Variants in TOX2 observed in about 807,000 individuals in gnomAD.
The protein encoded by TOX2 is TOX high mobility group box family member 2, also known as granulosa cell HMG box 1.
Under a neutral mutation model 47.4 loss-of-function variants are expected in TOX2, and 15 were observed. That is an observed-to-expected ratio of 0.32 (90% CI 0.21 to 0.49). The LOEUF (loss-of-function observed/expected upper bound fraction) is 0.49, where lower values mean the gene tolerates loss of function less well. TOX2 is among the 20% of genes least tolerant of loss of function. The pLI, the probability that TOX2 is intolerant of heterozygous loss-of-function variation, is 0.99. For synonymous variants in TOX2, 290 were observed against 296.6 expected, an observed-to-expected ratio of 0.98 and a Z score of 0.23; for missense variants, 622 against 673.1, an observed-to-expected ratio of 0.92 and a Z score of 0.84.
chr20:43,973,370 G>C lies in TOX2; in HGVS notation c.103G>C (p.Asp35His), dbSNP rs146508267. 3 of 1,614,140 alleles carry C rather than the reference G, an allele frequency of 1.9e-6. No homozygotes were observed. The Admixed American group carries it at 5.0e-5, about 27-fold the overall frequency. The change falls in exon 2 of 9, where the codon GAT becomes CAT. Residue 35 changes from aspartate (D) to histidine (H), a missense_variant. By Grantham distance (81) the Asp-to-His change is moderately conservative. Around this residue, in one of 3 missense-constraint regions of TOX2, gnomAD observed 307 missense variants for 327.3 expected, o/e 0.94. Transcript: ENST00000341197. ...TCTCCCTCTCTCTCTATTCTAGTTTGATGGTGACAGTGCCTACGTGGGGAT... is the reference window on the plus strand; with the variant it reads ...TCTCCCTCTCTCTCTATTCTAGTTTCATGGTGACAGTGCCTACGTGGGGAT... Reference protein sequence around the residue: ...HLDYYHGGKFDGDSAYVGMSD... With the variant: ...HLDYYHGGKFHGDSAYVGMSD...
chr20:44,036,224 C>G (rs114682185), intron 3 of TOX2, among the ~76,000 whole-genome samples: 1 of 152,218 alleles, frequency 6.6e-6, no homozygotes, highest in Non-Finnish European at 1.5e-5. Flanking sequence ...GAGGCTACAA[C>G]GCAAGGTTAG....
At chr20:43,973,757 G>A (rs943600004) in intron 2 of TOX2, among the ~76,000 whole-genome samples, 5 of 152,166 alleles carry the variant, frequency 3.3e-5, no homozygotes, top group South Asian at 2.1e-4. Context: ...CTCTGGTGCC[G>A]CCTGCCTCTT....
chr20:44,010,258 A>C (rs920180661), intron 3 of TOX2, among the ~76,000 whole-genome samples: 1 of 152,194 alleles, frequency 6.6e-6, no homozygotes, highest in Admixed American at 6.5e-5. Flanking sequence ...TTTTTGTCAA[A>C]GATGGCCCCC....
intron 3 of TOX2, among the ~76,000 whole-genome samples, chr20:44,012,551 G>A (rs1249682309): frequency 6.6e-6 from 1 of 152,188 alleles, no homozygotes; most frequent in Non-Finnish European, 1.5e-5. Flanking sequence ...CTTAGTGCAG[G>A]AGAGGTATGC....
chr20:43,931,196 T>G (rs2069248601), intron 1 of TOX2, among the ~76,000 whole-genome samples: 1 of 152,170 alleles, frequency 6.6e-6, no homozygotes, highest in Non-Finnish European at 1.5e-5. Context: ...TGGAGTGTAG[T>G]GGTACAAACA....
intron 3 of TOX2, among the ~76,000 whole-genome samples, chr20:44,030,434 C>A (rs1385581620): frequency 6.6e-6 from 1 of 152,192 alleles, no homozygotes; most frequent in Non-Finnish European, 1.5e-5. Context: ...TTTCCAATGA[C>A]CCTCAGGATA....
rs1246753427 is a variant in TOX2, at chr20:44,051,490, C to T, written c.596C>T (p.Ala199Val). Residue 199 changes from alanine (A) to valine (V), a missense_variant, in exon 4 of 9, where the codon GCG (alanine) becomes GTG (valine). Coordinates refer to ENST00000341197, the MANE Select transcript of TOX2 (RefSeq NM_001098797.2). ...CCATCACCGCCGGGGAGCAAGTCAGCGACCCCCTCTCCCTCCAGCTCCACT... is the reference window on the plus strand; with the variant it reads ...CCATCACCGCCGGGGAGCAAGTCAGTGACCCCCTCTCCCTCCAGCTCCACT... ...SSPSPPGSKS[A>V]TPSPSSSTQE... is the part of the protein sequence containing the mutation. The T allele has an allele frequency of 5.0e-6, 8 of 1,612,206 alleles. No homozygotes were observed. The highest frequency in any genetic ancestry group is 2.2e-5 in the East Asian group (1 of 44,832).
chr20:44,018,073 G>A (rs891859315), intron 3 of TOX2, among the ~76,000 whole-genome samples: 3 of 152,188 alleles, frequency 2.0e-5, no homozygotes, highest in Middle Eastern at 3.2e-3. Context: ...GGACTGTCCC[G>A]GCACCGAAGG....
rs149201635 is a variant in TOX2 at position 44,066,678 on chromosome 20, T to A, written c.1357-52T>A. On this transcript the variant is annotated intron_variant, in intron 7 of 8. Coordinates refer to ENST00000341197, the MANE Select transcript of TOX2 (RefSeq NM_001098797.2). ...TCTCACCCCGGGAGGCCTGGGACAG[T>A]CTGCCCCCTCATCTCTCCTTGGCTC... The A allele has an allele frequency of 1.2e-5, 20 of 1,613,198 alleles. No homozygotes were observed. In the East Asian group the frequency reaches 2.0e-4, roughly 16 times the overall value.
intron 1 of TOX2, among the ~76,000 whole-genome samples, chr20:43,919,930 A>T (rs4810402): frequency 6.6e-6 from 1 of 152,026 alleles, no homozygotes; most frequent in Non-Finnish European, 1.5e-5. Context: ...ACACTGATGG[A>T]CATTTGGGTT....
intron 2 of TOX2, among the ~76,000 whole-genome samples, chr20:43,991,715 C>T (rs1438764029): frequency 6.6e-6 from 1 of 151,732 alleles, no homozygotes; most frequent in African/African-American, 2.4e-5. Flanking sequence ...ACAATCTCAG[C>T]TCACTGCAAC....
intron 1 of TOX2, among the ~76,000 whole-genome samples, chr20:43,969,510 A>C (rs2069923841): frequency 6.6e-6 from 1 of 152,202 alleles, no homozygotes; most frequent in Non-Finnish European, 1.5e-5. Flanking sequence ...AGGGGGCTGC[A>C]GGGGTAAGCC....
At chr20:44,015,997 A>G (rs1006539232) in intron 3 of TOX2, among the ~76,000 whole-genome samples, 1 of 152,090 alleles carries the variant, frequency 6.6e-6, no homozygotes, top group South Asian at 2.1e-4. Flanking sequence ...GATAAGATTC[A>G]TGGTTTTCCC....
At chr20:44,024,408 C>G (rs375095622) in intron 3 of TOX2, among the ~76,000 whole-genome samples, 46 of 151,260 alleles carry the variant, frequency 3.0e-4, no homozygotes, top group African/African-American at 9.7e-4. Context: ...TGTTTTCCCT[C>G]TTTATGAATC....
At chr20:44,038,632 G>A (rs1334719662) in intron 3 of TOX2, among the ~76,000 whole-genome samples, 1 of 151,822 alleles carries the variant, frequency 6.6e-6, no homozygotes, top group Non-Finnish European at 1.5e-5. Flanking sequence ...AAATTTAATT[G>A]TGGAAAAAAA....
chr20:44,051,902 C>T (rs1179820455), intron 4 of TOX2, among the ~76,000 whole-genome samples: 3 of 152,198 alleles, frequency 2.0e-5, no homozygotes, highest in Non-Finnish European at 2.9e-5. Flanking sequence ...TCGGGGCTCC[C>T]ACAGCCTTGT....
rs1284759115 is a variant in TOX2 at position 43,931,634 on chromosome 20, G to A, written c.99+16644G>A. On this transcript the variant is annotated intron_variant, in intron 1 of 8. Coordinates refer to ENST00000341197, the MANE Select transcript of TOX2 (RefSeq NM_001098797.2). Reference sequence around the variant, plus strand: ...GTGCTTGGACGTTGACTTAAGAGCAGTGGGAGTCCTGGAGGTGTGCTGCGT... The same window carrying A: ...GTGCTTGGACGTTGACTTAAGAGCAATGGGAGTCCTGGAGGTGTGCTGCGT... Among the ~76,000 whole-genome samples, 10 of 152,186 alleles carry A rather than the reference G, an allele frequency of 6.6e-5. No homozygotes were observed. In the East Asian group the frequency reaches 1.9e-3, roughly 29 times the overall value.
intron 5 of TOX2, among the ~76,000 whole-genome samples, chr20:44,060,761 G>A (rs2145785003): frequency 6.6e-6 from 1 of 152,210 alleles, no homozygotes; most frequent in East Asian, 1.9e-4. Context: ...AGCAAAAGTG[G>A]TGCTAAGAGG....
At chr20:44,037,970 AT>A (rs2071267579) in intron 3 of TOX2, among the ~76,000 whole-genome samples, 1 of 152,190 alleles carries the variant, frequency 6.6e-6, no homozygotes, top group African/African-American at 2.4e-5. Context: ...GACTTGTTGA[AT>A]GGTTTTGACC....
Sources: gnomAD v4.1 joint callset for allele counts (sites outside exome capture counted in the v4.1 genomes callset) on GRCh38, gnomAD v4.1.1 for gene constraint, gnomAD v4.1.1 regional missense constraint, MANE v1.5 for transcripts, NCBI Gene and HGNC (gene_info 2026-07-23, HGNC 2026-07-21) for gene names.